The following PSMD10 variants were observed in gnomAD, a reference collection of about 807,000 sequenced individuals.
PSMD10 encodes proteasome 26S subunit, non-ATPase 10, also known as 26S proteasome non-ATPase regulatory subunit 10.
PSMD10 carries 2 observed loss-of-function variants against 13.2 expected under a neutral mutation model. That is an observed-to-expected ratio of 0.15 (90% CI 0.06 to 0.48). The LOEUF is 0.48. Ranked by LOEUF, PSMD10 falls within the 20% of genes least tolerant of loss-of-function variation. PSMD10 has a pLI of 0.97. For synonymous variants in PSMD10, 66 were observed against 64.4 expected (o/e 1.03, Z -0.12); for missense variants, 120 against 167.4 (o/e 0.72, Z 1.56).
rs1397711088 is a variant in PSMD10, at chrX:108,088,070, A to C, written c.243T>G (p.Ala81=). The C allele has an allele frequency of 8.3e-7, 1 of 1,209,431 alleles. No homozygotes were observed. The highest frequency in any genetic ancestry group is 3.0e-5 in the East Asian group (1 of 33,807). The change falls in exon 3 of 5, where the codon GCT becomes GCG. Residue 81 remains alanine, a synonymous_variant. Coordinates refer to ENST00000217958, the MANE Select transcript of PSMD10 (RefSeq NM_002814.4). ...TTACAATCTCATCCCGGCCAGCAGAAGCCGCAATATGAAGAGGAGACCAAC... is the reference window on the plus strand; with the variant it reads ...TTACAATCTCATCCCGGCCAGCAGACGCCGCAATATGAAGAGGAGACCAAC... The part of the protein sequence containing the change: ...DAGWSPLHIA[A]SAGRDEIVKA...
chrX:108,088,173 T>G (rs1428617815), intron 2 of PSMD10, 74 bp from the exon 3 acceptor site: 10 of 1,049,749 alleles, frequency 9.5e-6, no homozygotes, highest in South Asian at 4.6e-5. Flanking sequence ...TAGGAAGGGT[T>G]AGCAAGGAGC....
rs1435111957 is a variant in PSMD10 at position 108,084,284 on chromosome X, T to G, written c.*690A>C. 1.8e-5 allele frequency: 2 copies of G among 112,655 alleles called. No homozygotes were observed. Among genetic ancestry groups the G allele is most frequent in the Non-Finnish European group, 3.8e-5 (2 of 53,286 alleles). The allele number at this position is 112,655 out of a possible 1,213,427, so 9.3% of individuals were successfully genotyped here. On this transcript the variant is annotated 3_prime_UTR_variant, in exon 5 of 5. Coordinates refer to ENST00000217958, the MANE Select transcript of PSMD10 (RefSeq NM_002814.4). ...TTGTTACATGTCATTTTAACAAGCT[T>G]GACATTCTTTTCAATACAGGATGAC...
At chrX:108,088,917 G>C in intron 1 of PSMD10, 67 bp from the exon 2 acceptor site, 2 of 854,177 alleles carry the variant, frequency 2.3e-6, no homozygotes, top group Non-Finnish European at 3.3e-6. Flanking sequence ...AAAAATACTG[G>C]TGCTGGCAAA....
At position 108,084,813 on chromosome X, in the gene PSMD10, G is replaced by A. The variant is rs2031476790; in HGVS notation, c.*161C>T. 5.5e-6 allele frequency: 3 copies of A among 550,220 alleles called. No individual in the cohort carries two copies. The highest frequency in any genetic ancestry group is 8.1e-6 in the Non-Finnish European group (3 of 370,934). 45.3% of individuals were successfully genotyped at this position (550,220 alleles called of 1,213,427 possible). ...GCCTGGAAAACAAGCTGTAAGCTTC[G>A]AACAAGTAACTCAGCAGGAACAAGA... is the stretch of plus-strand genomic sequence containing the variant. On this transcript the variant is annotated 3_prime_UTR_variant, in exon 5 of 5. Transcript: ENST00000217958.
chrX:108,084,893 T>C lies in PSMD10; in HGVS notation c.*81A>G, dbSNP rs2031477784. 2.7e-5 allele frequency: 27 copies of C among 1,002,985 alleles called. No individual in the cohort carries two copies. Among genetic ancestry groups the C allele is most frequent in the Admixed American group, 6.8e-5 (2 of 29,623 alleles). 82.7% of individuals were successfully genotyped at this position (1,002,985 alleles called of 1,213,427 possible). A position where few individuals can be genotyped will look rare whatever the true frequency, so the allele number is the denominator to read the frequency against. ...AGAAAACTTCATCATTCATAGATGA[T>C]GTCTTGTGCACAAATACATTAGTTT... On this transcript the variant is annotated 3_prime_UTR_variant, in exon 5 of 5. Coordinates refer to ENST00000217958, the MANE Select transcript of PSMD10 (RefSeq NM_002814.4).
chrX:108,090,598 A>G (rs1301298043), intron 1 of PSMD10, among the ~76,000 whole-genome samples: 1 of 112,036 alleles, frequency 8.9e-6, no homozygotes, highest in African/African-American at 3.2e-5. Flanking sequence ...CACAAAATGG[A>G]GATCTGTAAG....
At chrX:108,089,694 G>A (rs751976874) in intron 1 of PSMD10, among the ~76,000 whole-genome samples, 58 of 110,302 alleles carry the variant, frequency 5.3e-4, no homozygotes, top group Middle Eastern at 4.6e-3. Context: ...TTAGCCAGGC[G>A]TGGTGGCAGG....
At chrX:108,086,922 AC>A (rs1393785620) in intron 4 of PSMD10, 1 of 111,724 alleles carries the variant, frequency 9.0e-6, no homozygotes, top group African/African-American at 3.3e-5. Flanking sequence ...AGTTTTCTGT[AC>A]AAAGTTGGTC....
At chrX:108,088,917 G>A in intron 1 of PSMD10, 67 bp from the exon 2 acceptor site, 1 of 854,179 alleles carries the variant, frequency 1.2e-6, no homozygotes, top group Non-Finnish European at 1.7e-6. Context: ...AAAAATACTG[G>A]TGCTGGCAAA....
At chrX:108,091,273 G>C (rs1429495810) in intron 1 of PSMD10, 134 bp downstream of exon 1, 1 of 563,630 alleles carries the variant, frequency 1.8e-6, no homozygotes. Flanking sequence ...AGGTGACCCA[G>C]GGGGACTGCT....
chrX:108,090,502 G>C (rs900575877), intron 1 of PSMD10, among the ~76,000 whole-genome samples: 1 of 112,036 alleles, frequency 8.9e-6, no homozygotes, highest in African/African-American at 3.3e-5. Context: ...ACCAGGTAAA[G>C]ATAAGGCCAT....
At chrX:108,085,301 C>CA (rs1350308818) in intron 4 of PSMD10, among the ~76,000 whole-genome samples, 174 bp from the exon 5 acceptor site, 1 of 111,986 alleles carries the variant, frequency 8.9e-6, no homozygotes, top group African/African-American at 3.2e-5. Flanking sequence ...TAAAATTCTA[C>CA]AAAAAAAGCC....
At chrX:108,089,200 T>C (rs920889354) in intron 1 of PSMD10, among the ~76,000 whole-genome samples, 12 of 112,494 alleles carry the variant, frequency 1.1e-4, no homozygotes, top group Admixed American at 3.8e-4. Context: ...GTTTTACATG[T>C]ATAGTATCAT....
At chrX:108,085,356 T>C (rs1381417761) in intron 4 of PSMD10, among the ~76,000 whole-genome samples, 1 of 112,428 alleles carries the variant, frequency 8.9e-6, no homozygotes, top group African/African-American at 3.2e-5. Context: ...CTACTTACAA[T>C]AGAAGAAGGG....
rs1416225441 is a variant in PSMD10 at position 108,084,515 on chromosome X, AAC to A, written c.*457_*458del. 4 of 113,714 alleles carry A rather than the reference AAC, an allele frequency of 3.5e-5. No individual in the cohort carries two copies. The highest frequency in any genetic ancestry group is 6.4e-5 in the African/African-American group (2 of 31,189). 9.4% of individuals were successfully genotyped at this position (113,714 alleles called of 1,213,427 possible). A position where few individuals can be genotyped will look rare whatever the true frequency, so the allele number is the denominator to read the frequency against. ...TAAATTAAACCTCATGGTTAAAAAA[AAC>A]AGAAACGTTTGGCGTAGGCCTGAGT... On this transcript the variant is annotated 3_prime_UTR_variant, in exon 5 of 5. Coordinates refer to ENST00000217958, the MANE Select transcript of PSMD10 (RefSeq NM_002814.4).
intron 1 of PSMD10, among the ~76,000 whole-genome samples, chrX:108,089,744 A>G (rs945077204): frequency 1.8e-5 from 2 of 111,081 alleles, no homozygotes; most frequent in African/African-American, 6.6e-5. Context: ...GAGGCAGGGG[A>G]ATCGCTTGAA....
chrX:108,084,889 A>C lies in PSMD10; in HGVS notation c.*85T>G. ...GGTGAGAAAACTTCATCATTCATAG[A>C]TGATGTCTTGTGCACAAATACATTA... On this transcript the variant is annotated 3_prime_UTR_variant, in exon 5 of 5. Transcript: ENST00000217958. The C allele has an allele frequency of 1.0e-6, 1 of 1,000,632 alleles. No homozygotes were observed. The allele number at this position is 1,000,632 out of a possible 1,213,427, so 82.5% of individuals were successfully genotyped here. A position where few individuals can be genotyped will look rare whatever the true frequency, so the allele number is the denominator to read the frequency against.
In PSMD10 at chrX:108,087,475, C is replaced by A. The variant is rs780566310; in HGVS notation, c.527+211G>T. The A allele has an allele frequency of 7.8e-4, 337 of 432,851 alleles. 12 individuals are homozygous for A. The highest frequency in any genetic ancestry group is 7.0e-4 in the Middle Eastern group (1 of 1,433). The allele number at this position is 432,851 out of a possible 1,213,427, so 35.7% of individuals were successfully genotyped here. A position where few individuals can be genotyped will look rare whatever the true frequency, so the allele number is the denominator to read the frequency against. ...ATATATACATTTGAATATAAAAGACCAGGAGGAAATACACAAGAATGTGAT... is the reference window on the plus strand; with the variant it reads ...ATATATACATTTGAATATAAAAGACAAGGAGGAAATACACAAGAATGTGAT... On this transcript the variant is annotated intron_variant, in intron 4 of 4. Coordinates refer to ENST00000217958, the MANE Select transcript of PSMD10 (RefSeq NM_002814.4).
intron 4 of PSMD10, 52 bp downstream of exon 4, chrX:108,087,634 G>C: frequency 1.7e-6 from 2 of 1,163,334 alleles, no homozygotes; most frequent in South Asian, 2.0e-5. Context: ...AAGAATTATT[G>C]CAAGAAGGCT....
Sources: gnomAD v4.1 joint callset for allele counts (sites outside exome capture counted in the v4.1 genomes callset) on GRCh38, gnomAD v4.1.1 for gene constraint, MANE v1.5 for transcripts, NCBI Gene and HGNC (gene_info 2026-07-23, HGNC 2026-07-21) for gene names.